ANKRD26: variants seen among roughly 807,000 people sequenced by gnomAD.
ANKRD26 encodes ankyrin repeat domain 26, also known as ankyrin repeat domain-containing protein 26.
Under a neutral mutation model 208.7 loss-of-function variants are expected in ANKRD26, and 141 were observed. The ratio of observed to expected loss-of-function variants is 0.68; its 90% CI spans 0.59 to 0.78. ANKRD26 has a LOEUF of 0.78. ANKRD26 is among the 30% of genes least tolerant of loss of function. The pLI is 0.00. For synonymous variants in ANKRD26, 636 were observed against 660.4 expected, an observed-to-expected ratio of 0.96 and a Z score of 0.57; for missense variants, 1,889 against 1,938.7, an observed-to-expected ratio of 0.97 and a Z score of 0.48.
At chr10:26,966,012 GAA>G in the ANKRD26 span, among the ~76,000 whole-genome samples, 1 of 152,270 alleles carries the variant, frequency 6.6e-6, no homozygotes, top group South Asian at 2.1e-4. Flanking sequence ...GGAGAAACAG[GAA>G]AACTTTTACA....
intron 6 of ANKRD26, chr10:27,080,985 T>C: frequency 4.1e-6 from 4 of 983,908 alleles, no homozygotes; most frequent in Non-Finnish European, 4.8e-6. Context: ...TCTATGTAGT[T>C]CAGCAGCCTC....
downstream of ANKRD26, among the ~76,000 whole-genome samples, chr10:26,987,222 T>C (rs200623543): frequency 3.0e-4 from 46 of 152,140 alleles, no homozygotes; most frequent in East Asian, 7.5e-3. Context: ...TAGGTGAGAA[T>C]TGAACAATGA....
At chr10:27,060,215 A>AT (rs2055003051) in intron 15 of ANKRD26, 130 bp downstream of exon 15, 1 of 905,498 alleles carries the variant, frequency 1.1e-6, no homozygotes. Context: ...TTAAAAAAAA[A>AT]TTTTTTTAAA....
At chr10:27,091,094 AAAT>A (rs35067345) in intron 4 of ANKRD26, among the ~76,000 whole-genome samples, 5 of 151,444 alleles carry the variant, frequency 3.3e-5, no homozygotes, top group Non-Finnish European at 4.4e-5. Flanking sequence ...ACCCTGTCTC[AAAT>A]AATAATAATA....
chr10:27,082,898 A>G lies in ANKRD26; in HGVS notation c.710-65T>C, dbSNP rs2055978519. 7 of 1,524,528 alleles carry G rather than the reference A, an allele frequency of 4.6e-6. No homozygotes were observed. In the Admixed American group the frequency reaches 7.9e-5, roughly 17 times the overall value. 94.4% of individuals were successfully genotyped at this position (1,524,528 alleles called of 1,614,324 possible). A position where few individuals can be genotyped will look rare whatever the true frequency, so the allele number is the denominator to read the frequency against. On this transcript the variant is annotated intron_variant, in intron 5 of 33. Coordinates refer to ENST00000376087, the MANE Select transcript of ANKRD26 (RefSeq NM_014915.3). ...TAGAAAAATATATAAAATTTAAAGC[A>G]TAAGACTGATAGTTTGTTACAAAGT...
At chr10:26,997,970 G>A (rs1042247175) in intron 4 of ANKRD26, among the ~76,000 whole-genome samples, 19 of 152,188 alleles carry the variant, frequency 1.2e-4, no homozygotes, top group African/African-American at 3.6e-4. Flanking sequence ...TGACTCTGCC[G>A]GACTTCATAG....
intron 29 of ANKRD26, among the ~76,000 whole-genome samples, chr10:27,019,263 AAAAAG>A (rs921597222): frequency 6.6e-6 from 1 of 152,116 alleles, no homozygotes; most frequent in African/African-American, 2.4e-5. Flanking sequence ...CTGGGTTAAA[AAAAAG>A]AAATTAATAA....
chr10:26,964,625 C>G, the ANKRD26 span, among the ~76,000 whole-genome samples: 1 of 152,176 alleles, frequency 6.6e-6, no homozygotes, highest in Non-Finnish European at 1.5e-5. Context: ...GGGAGGTAAA[C>G]ACTAAGGGTC....
At chr10:26,968,287 T>C in the ANKRD26 span, among the ~76,000 whole-genome samples, 1 of 152,220 alleles carries the variant, frequency 6.6e-6, no homozygotes, top group Non-Finnish European at 1.5e-5. Context: ...GCTCTTCCTT[T>C]CATTCTCTCC....
chr10:27,005,140 G>T lies in ANKRD26; in HGVS notation c.*450C>A, dbSNP rs1349941258. ...TCCCTGAGAACAGCTATATAAATCA[G>T]TGCTTAAAATTAAAATTATGTAAAT... On this transcript the variant is annotated 3_prime_UTR_variant, in exon 34 of 34. Coordinates refer to ENST00000376087, the MANE Select transcript of ANKRD26 (RefSeq NM_014915.3). 2 of 986,250 alleles carry T rather than the reference G, an allele frequency of 2.0e-6. No individual in the cohort carries two copies. Among genetic ancestry groups the T allele is most frequent in the African/African-American group, 1.7e-5 (1 of 57,242 alleles). 61.1% of individuals were successfully genotyped at this position (986,250 alleles called of 1,614,324 possible).
chr10:26,994,651 C>T (rs932847454), intron 5 of ANKRD26, among the ~76,000 whole-genome samples: 2 of 152,140 alleles, frequency 1.3e-5, no homozygotes, highest in African/African-American at 4.8e-5. Flanking sequence ...GATTGGTTAC[C>T]CTGCTTTCAG....
chr10:27,060,663 T>C, intron 13 of ANKRD26, 123 bp from the exon 14 acceptor site: 1 of 802,288 alleles, frequency 1.2e-6, no homozygotes, highest in Non-Finnish European at 2.0e-6. Flanking sequence ...ATGTTAATTT[T>C]TGGGATGTTT....
rs2053999274 is a variant in ANKRD26, at chr10:27,035,082, T to C, written c.3368A>G (p.Asn1123Ser). Residue 1123 changes from asparagine (N) to serine (S), a missense_variant, in exon 24 of 34, where the codon AAT becomes AGT. Physicochemically the swap from Asn to Ser is conservative, Grantham distance 46. Transcript: ENST00000376087. Reference sequence around the variant, plus strand: ...AGACTCCTGCTTTCCAATGTATTTATTCACTTTAACTTGTTCATTTTGATA... The same window carrying C: ...AGACTCCTGCTTTCCAATGTATTTACTCACTTTAACTTGTTCATTTTGATA... ...QKYQNEQVKV[N>S]KYIGKQESVE... is the part of the protein sequence containing the mutation. The C allele has an allele frequency of 1.2e-6, 2 of 1,613,282 alleles. No individual in the cohort carries two copies. Among genetic ancestry groups the C allele is most frequent in the African/African-American group, 1.3e-5 (1 of 74,956 alleles).
chr10:26,957,326 T>A, the ANKRD26 span, among the ~76,000 whole-genome samples: 2 of 152,134 alleles, frequency 1.3e-5, no homozygotes, highest in African/African-American at 4.8e-5. Context: ...AGGCAGAGGT[T>A]GCAGTGAGCC....
At chr10:27,085,131 C>A (rs1223082306) in intron 5 of ANKRD26, among the ~76,000 whole-genome samples, 1 of 151,188 alleles carries the variant, frequency 6.6e-6, no homozygotes, top group Non-Finnish European at 1.5e-5. Flanking sequence ...GATGGAGTCT[C>A]GCTCTGTCAC....
At chr10:26,966,699 G>T in the ANKRD26 span, among the ~76,000 whole-genome samples, 1 of 152,260 alleles carries the variant, frequency 6.6e-6, no homozygotes, top group Middle Eastern at 3.4e-3. Context: ...TGCAAGGAAG[G>T]CGTAGTACAG....
At chr10:27,016,764 T>C (rs1341938605) in intron 30 of ANKRD26, among the ~76,000 whole-genome samples, 1 of 152,178 alleles carries the variant, frequency 6.6e-6, no homozygotes, top group African/African-American at 2.4e-5. Context: ...TGTTTAATTA[T>C]TTGTAAATTA....
At chr10:27,023,862 A>G (rs944300102) in intron 28 of ANKRD26, among the ~76,000 whole-genome samples, 1 of 152,138 alleles carries the variant, frequency 6.6e-6, no homozygotes, top group African/African-American at 2.4e-5. Flanking sequence ...ATACTTTTGT[A>G]TATGTATGAG....
downstream of ANKRD26, among the ~76,000 whole-genome samples, chr10:26,972,588 C>CTTTTTT (rs773904333): frequency 2.5e-5 from 3 of 121,988 alleles, no homozygotes; most frequent in African/African-American, 6.3e-5. Flanking sequence ...CAAAGTGATT[C>CTTTTTT]TTTTTTTTTT....
Sources: allele counts gnomAD v4.1 joint callset (sites outside exome capture counted in the v4.1 genomes callset), GRCh38; gene constraint gnomAD v4.1.1; transcripts MANE v1.5; gene names NCBI Gene and HGNC (gene_info 2026-07-23, HGNC 2026-07-21).